Variants in CKS2 observed in about 807,000 individuals in gnomAD.
CKS2 encodes CDC28 protein kinase regulatory subunit 2.
CKS2 carries 4 observed loss-of-function variants against 14.3 expected under a neutral mutation model. That is an observed-to-expected ratio of 0.28 (90% CI 0.14 to 0.64). CKS2 has a LOEUF of 0.64. Among genes scored for constraint, CKS2 ranks in the 30% least tolerant of loss-of-function variants. The probability of loss-of-function intolerance (pLI) is 0.83; values close to 1 mark genes in which losing one functional copy is unlikely to be tolerated. For synonymous variants in CKS2, 33 were observed against 28.7 expected, an observed-to-expected ratio of 1.15 and a Z score of -0.48; for missense variants, 71 against 94.3, an observed-to-expected ratio of 0.75 and a Z score of 1.02.
At position 89,316,476 on chromosome 9, in the gene CKS2, T is replaced by C. The variant is rs1228120499; in HGVS notation, c.*51T>C. 4 of 1,079,228 alleles carry C rather than the reference T, an allele frequency of 3.7e-6. No individual in the cohort carries two copies. Among genetic ancestry groups the C allele is most frequent in the Non-Finnish European group, 4.2e-6 (3 of 713,110 alleles). The allele number at this position is 1,079,228 out of a possible 1,614,324, so 66.9% of individuals were successfully genotyped here. ...TTTTCAAATTTAATGTATATGTGTA[T>C]ATAAGGTAGTATTCAGTGAATACTT... On this transcript the variant is annotated 3_prime_UTR_variant, in exon 3 of 3. Coordinates refer to ENST00000314355, the MANE Select transcript of CKS2 (RefSeq NM_001827.3).
At chr9:89,314,823 C>T (rs1824678729) in intron 1 of CKS2, among the ~76,000 whole-genome samples, 1 of 152,194 alleles carries the variant, frequency 6.6e-6, no homozygotes, top group South Asian at 2.1e-4. Flanking sequence ...CCTTTGAGAA[C>T]ACTTTTCATA....
chr9:89,316,394 G>C lies in CKS2; in HGVS notation c.209G>C (p.Arg70Thr). The C allele has an allele frequency of 6.3e-7, 1 of 1,595,958 alleles. No homozygotes were observed. The highest frequency in any genetic ancestry group is 8.6e-7 in the Non-Finnish European group (1 of 1,167,436). ...HEPEPHILLFRRPLPKDQQK is the reference protein window; with the variant it reads ...HEPEPHILLFTRPLPKDQQK ...ACAGAACCACATATTCTTCTCTTTAGACGACCTCTTCCAAAAGATCAACAA... is the reference window on the plus strand; with the variant it reads ...ACAGAACCACATATTCTTCTCTTTACACGACCTCTTCCAAAAGATCAACAA... Residue 70 changes from arginine (R) to threonine (T), a missense_variant, in exon 3 of 3, where the codon AGA becomes ACA. Physicochemically the swap from Arg to Thr is moderately conservative, Grantham distance 71. Transcript: ENST00000314355.
intron 1 of CKS2, 62 bp downstream of exon 1, chr9:89,311,413 A>G: frequency 3.1e-6 from 4 of 1,289,678 alleles, no homozygotes. Context: ...GGGCGGGGCG[A>G]CCCAGGCATA....
chr9:89,314,172 C>T (rs1824668170), intron 1 of CKS2, among the ~76,000 whole-genome samples: 1 of 152,160 alleles, frequency 6.6e-6, no homozygotes, highest in African/African-American at 2.4e-5. Context: ...GCTACTACTG[C>T]AGGTGGTAAA....
intron 1 of CKS2, among the ~76,000 whole-genome samples, chr9:89,314,171 G>T (rs1824668141): frequency 6.6e-6 from 1 of 152,172 alleles, no homozygotes; most frequent in African/African-American, 2.4e-5. Flanking sequence ...TGCTACTACT[G>T]CAGGTGGTAA....
chr9:89,315,084 A>C, intron 1 of CKS2, 86 bp from the exon 2 acceptor site: 4 of 1,213,828 alleles, frequency 3.3e-6, no homozygotes, highest in Non-Finnish European at 4.5e-6. Flanking sequence ...CTCAATATTA[A>C]AGCAACAGAG....
At chr9:89,315,149 C>A in intron 1 of CKS2, 21 bp from the exon 2 acceptor site, 2 of 1,597,486 alleles carry the variant, frequency 1.3e-6, no homozygotes. Context: ...TGGACTAACA[C>A]TTGGCTGTAT....
At chr9:89,311,975 G>T (rs1011287129) in intron 1 of CKS2, among the ~76,000 whole-genome samples, 1 of 152,058 alleles carries the variant, frequency 6.6e-6, no homozygotes, top group Non-Finnish European at 1.5e-5. Flanking sequence ...CCCGAAAAAT[G>T]AGCTTGATGG....
Position 89,315,089 on chromosome 9 carries a change from A to G in CKS2, c.60-81A>G, listed in dbSNP as rs1311614164. ...GATTGCAGTTCTCAATATTAAAGCA[A>G]CAGAGTTCCTTAAGGTACATGTATA... is the stretch of plus-strand genomic sequence containing the variant. On this transcript the variant is annotated intron_variant, in intron 1 of 2. Coordinates refer to ENST00000314355, the MANE Select transcript of CKS2 (RefSeq NM_001827.3). 2.4e-6 allele frequency: 3 copies of G among 1,252,838 alleles called. No individual in the cohort carries two copies. The African/African-American group carries it at 4.6e-5, about 19-fold the overall frequency. The allele number at this position is 1,252,838 out of a possible 1,614,324, so 77.6% of individuals were successfully genotyped here. A position where few individuals can be genotyped will look rare whatever the true frequency, so the allele number is the denominator to read the frequency against.
chr9:89,311,459 G>A, intron 1 of CKS2, 108 bp downstream of exon 1: 1 of 743,780 alleles, frequency 1.3e-6, no homozygotes, highest in Non-Finnish European at 2.0e-6. Flanking sequence ...CCTGGGGGGC[G>A]GAGCCCGGGG....
intron 1 of CKS2, among the ~76,000 whole-genome samples, 192 bp from the exon 2 acceptor site, chr9:89,314,978 T>C (rs1564275445): frequency 6.6e-6 from 1 of 152,202 alleles, no homozygotes; most frequent in Non-Finnish European, 1.5e-5. Flanking sequence ...AGATTAATCC[T>C]ATGGAAAATG....
intron 1 of CKS2, among the ~76,000 whole-genome samples, chr9:89,312,879 G>A (rs1304575703): frequency 6.6e-6 from 1 of 152,120 alleles, no homozygotes; most frequent in Non-Finnish European, 1.5e-5. Flanking sequence ...TTTAGGATAA[G>A]GATTTAAGGG....
At chr9:89,316,293 C>T in intron 2 of CKS2, 80 bp from the exon 3 acceptor site, 1 of 905,790 alleles carries the variant, frequency 1.1e-6, no homozygotes, top group Non-Finnish European at 1.8e-6. Flanking sequence ...TTTATTCTGG[C>T]TTAGTTGAGA....
chr9:89,311,397 C>T (rs775557912), intron 1 of CKS2, 46 bp downstream of exon 1: 2 of 1,549,036 alleles, frequency 1.3e-6, no homozygotes, highest in Non-Finnish European at 1.8e-6. Flanking sequence ...CAGCCGGGGC[C>T]CCCGCGGGCG....
At chr9:89,315,807 T>A (rs1309285813) in intron 2 of CKS2, among the ~76,000 whole-genome samples, 13 of 152,128 alleles carry the variant, frequency 8.5e-5, no homozygotes, top group Admixed American at 7.9e-4. Context: ...TAAACTCTAC[T>A]AAAACTTTGT....
Position 89,311,223 on chromosome 9 carries a change from C to T in CKS2, c.-70C>T, listed in dbSNP as rs1010987730. The T allele has an allele frequency of 5.6e-5, 74 of 1,316,060 alleles. No individual in the cohort carries two copies. Among genetic ancestry groups the T allele is most frequent in the Admixed American group, 2.0e-4 (11 of 56,040 alleles). The allele number at this position is 1,316,060 out of a possible 1,614,324, so 81.5% of individuals were successfully genotyped here. On this transcript the variant is annotated 5_prime_UTR_variant, in exon 1 of 3. Transcript: ENST00000314355. ...AGTCTCCGGCGAGTTGTTGCCTGGG[C>T]TGGACGTGGTTTTGTCTGCTGCGCC...
intron 1 of CKS2, among the ~76,000 whole-genome samples, chr9:89,314,825 C>CTT (rs1316201740): frequency 6.6e-6 from 1 of 152,170 alleles, no homozygotes; most frequent in Admixed American, 6.5e-5. Flanking sequence ...TTTGAGAACA[C>CTT]TTTTCATAAT....
chr9:89,314,340 G>A (rs946162176), intron 1 of CKS2, among the ~76,000 whole-genome samples: 1 of 152,152 alleles, frequency 6.6e-6, no homozygotes, highest in Non-Finnish European at 1.5e-5. Flanking sequence ...AATCTCGTAA[G>A]GCTACAATTA....
Position 89,311,275 on chromosome 9 carries a change from C to A in CKS2, c.-18C>A. 1.9e-6 allele frequency: 3 copies of A among 1,608,932 alleles called. No individual in the cohort carries two copies. The highest frequency in any genetic ancestry group is 2.5e-6 in the Non-Finnish European group (3 of 1,177,536). ...GCTCTTCGCGCTCTCGTTTCATTTTCTGCAGCGCGCCAGCAGGATGGCCCA... is the reference window on the plus strand; with the variant it reads ...GCTCTTCGCGCTCTCGTTTCATTTTATGCAGCGCGCCAGCAGGATGGCCCA... On this transcript the variant is annotated 5_prime_UTR_variant, in exon 1 of 3. In the 5' UTR this introduces an upstream ATG that the reference lacks. Coordinates refer to ENST00000314355, the MANE Select transcript of CKS2 (RefSeq NM_001827.3).
Sources: gnomAD v4.1 joint callset for allele counts (sites outside exome capture counted in the v4.1 genomes callset) on GRCh38, gnomAD v4.1.1 for gene constraint, MANE v1.5 for transcripts, NCBI Gene and HGNC (gene_info 2026-07-23, HGNC 2026-07-21) for gene names.